DNAH1: variants seen among roughly 807,000 people sequenced by gnomAD.
DNAH1 encodes the protein dynein axonemal heavy chain 1, also known as axonemal beta dynein heavy chain 1.
DNAH1 carries 327 observed loss-of-function variants against 484.3 expected under a neutral mutation model. That is an observed-to-expected ratio of 0.68 (90% CI 0.62 to 0.74). DNAH1 has a LOEUF of 0.74. Ranked by LOEUF, DNAH1 falls within the 30% of genes least tolerant of loss-of-function variation. DNAH1 has a pLI of 0.00. For synonymous variants in DNAH1, 2,192 were observed against 2,191.9 expected, an observed-to-expected ratio of 1.00 and a Z score of 0.00; for missense variants, 5,052 against 5,546.8, an observed-to-expected ratio of 0.91 and a Z score of 2.83.
At chr3:52,317,492 A>G (rs1207489590) in intron 1 of DNAH1, among the ~76,000 whole-genome samples, 3 of 152,236 alleles carry the variant, frequency 2.0e-5, no homozygotes, top group Non-Finnish European at 4.4e-5. Flanking sequence ...CTTAAATGCC[A>G]ACTTCCAGTT....
In DNAH1 at chr3:52,358,878, C is replaced by A; in HGVS notation, c.4266+141C>A. On this transcript the variant is annotated intron_variant, in intron 25 of 77. Transcript: ENST00000420323. This position sits in a 1 kb window ranked among gnomAD's most constrained non-coding sequence, Gnocchi z 4.2. Reference sequence around the variant, plus strand: ...GCTCAGGCGGGATTCTGGAGTCTTTCCTTTCCACACACACTCCAGAAAGTG... The same window carrying A: ...GCTCAGGCGGGATTCTGGAGTCTTTACTTTCCACACACACTCCAGAAAGTG... The A allele has an allele frequency of 1.0e-6, 1 of 968,522 alleles. No homozygotes were observed. The highest frequency in any genetic ancestry group is 1.5e-6 in the Non-Finnish European group (1 of 659,538). The allele number at this position is 968,522 out of a possible 1,614,324, so 60.0% of individuals were successfully genotyped here.
Position 52,372,832 on chromosome 3 carries a change from G to A in DNAH1, c.6828-64G>A, listed in dbSNP as rs1015199131. The stretch of plus-strand genomic sequence containing the variant: ...CCAGAGGCAAAGCTGCCACCCGTTC[G>A]CCCCTGGATTCTCAGAGGACCTGGT... On this transcript the variant is annotated intron_variant, in intron 43 of 77. Coordinates refer to ENST00000420323, the MANE Select transcript of DNAH1 (RefSeq NM_015512.5). 2.5e-5 allele frequency: 39 copies of A among 1,544,878 alleles called. No homozygotes were observed. The Middle Eastern group carries it at 1.0e-3, about 41-fold the overall frequency.
chr3:52,324,972 G>A (rs533329977), intron 3 of DNAH1, among the ~76,000 whole-genome samples: 22 of 152,266 alleles, frequency 1.4e-4, no homozygotes, highest in African/African-American at 5.1e-4. Context: ...AGGGTCTGGA[G>A]GCCAGGCATG....
In DNAH1 at chr3:52,334,716, C is replaced by G. The variant is rs577680439; in HGVS notation, c.1286+2322C>G. Among the ~76,000 whole-genome samples, 5 of 152,272 alleles carry G rather than the reference C, an allele frequency of 3.3e-5. No individual in the cohort carries two copies. The East Asian group carries it at 9.7e-4, about 29-fold the overall frequency. ...GCTGAGGCCCTAGAATCGCCTGAAC[C>G]TGGGAGGCAGAGGTTGCAGTGAGCT... is the stretch of plus-strand genomic sequence containing the variant. On this transcript the variant is annotated intron_variant, in intron 8 of 77. Transcript: ENST00000420323.
At chr3:52,349,504 T>A in intron 14 of DNAH1, 84 bp downstream of exon 14, 1 of 1,326,376 alleles carries the variant, frequency 7.5e-7, no homozygotes, top group Non-Finnish European at 1.1e-6. Flanking sequence ...CATGGCAAGA[T>A]GTCCCCAAGC....
In DNAH1 at chr3:52,348,916, G is replaced by A; in HGVS notation, c.2135G>A (p.Gly712Asp). The change falls in exon 13 of 78, where the codon GGT becomes GAT. Residue 712 changes from glycine to aspartate, a missense_variant. By Grantham distance (94) the Gly-to-Asp change is moderately conservative. Coordinates refer to ENST00000420323, the MANE Select transcript of DNAH1 (RefSeq NM_015512.5). Reference protein sequence around the residue: ...KLVMEDIFISGDPLLESVGLH... With the variant: ...KLVMEDIFISDDPLLESVGLH... ...GTGATGGAGGACATCTTCATCAGCG[G>A]TGACCCCCTGCTGGAGTCCGTGGGC... is the stretch of plus-strand genomic sequence containing the variant. 6.2e-7 allele frequency: 1 copy of A among 1,613,226 alleles called. No individual in the cohort carries two copies. The highest frequency in any genetic ancestry group is 8.5e-7 in the Non-Finnish European group (1 of 1,179,880).
intron 8 of DNAH1, among the ~76,000 whole-genome samples, chr3:52,342,684 C>T (rs1377544790): frequency 2.6e-5 from 4 of 152,096 alleles, no homozygotes; most frequent in African/African-American, 4.8e-5. Flanking sequence ...GGGACCCCTC[C>T]GTAGGGCTTT....
At chr3:52,363,356 C>T (rs1702942900) in intron 32 of DNAH1, among the ~76,000 whole-genome samples, 1 of 152,264 alleles carries the variant, frequency 6.6e-6, no homozygotes, top group African/African-American at 2.4e-5. Context: ...TGGCCAGGCT[C>T]ATGCAGTACA....
chr3:52,395,186 T>C lies in DNAH1; in HGVS notation c.10969-122T>C, dbSNP rs1704564754. 1.3e-6 allele frequency: 2 copies of C among 1,493,218 alleles called. No individual in the cohort carries two copies. Among genetic ancestry groups the C allele is most frequent in the African/African-American group, 1.4e-5 (1 of 71,844 alleles). The allele number at this position is 1,493,218 out of a possible 1,614,324, so 92.5% of individuals were successfully genotyped here. ...ACCCCTGCTTGCTCCCTAAAGGCTC[T>C]GAGGTTCCAGCCCCCACCAGGAAGC... On this transcript the variant is annotated intron_variant, in intron 68 of 77. Coordinates refer to ENST00000420323, the MANE Select transcript of DNAH1 (RefSeq NM_015512.5). This position sits in a 1 kb window ranked among gnomAD's most constrained non-coding sequence, Gnocchi z 4.4.
intron 39 of DNAH1, 89 bp from the exon 40 acceptor site, chr3:52,370,381 CTGTGTAG>C: frequency 6.4e-7 from 1 of 1,572,336 alleles, no homozygotes; most frequent in South Asian, 1.1e-5. Context: ...AGAAACAAAG[CTGTGTAG>C]CAGAGGTCAA....
In DNAH1 at chr3:52,353,616, G is replaced by C; in HGVS notation, c.3463G>C (p.Glu1155Gln). Residue 1155 changes from glutamate (E) to glutamine (Q), a missense_variant, in exon 20 of 78, where the codon GAG (glutamate) becomes CAG (glutamine). Physicochemically the swap from Glu to Gln is conservative, Grantham distance 29. Transcript: ENST00000420323. The surrounding 1 kb of genome is among the most constrained non-coding windows in gnomAD (Gnocchi z 5.0). ...ISKVAEVAGK[E>Q]YAIEQALDKM... is the part of the protein sequence containing the mutation. ...CAAGGTGGCTGAGGTGGCTGGCAAGGAGTACGCCATCGAGCAGGTGGGTAG... is the reference window on the plus strand; with the variant it reads ...CAAGGTGGCTGAGGTGGCTGGCAAGCAGTACGCCATCGAGCAGGTGGGTAG... 6.3e-7 allele frequency: 1 copy of C among 1,599,590 alleles called. No individual in the cohort carries two copies.
chr3:52,357,809 G>A lies in DNAH1; in HGVS notation c.3980+74G>A, dbSNP rs1435311390. 5.7e-6 allele frequency: 9 copies of A among 1,575,586 alleles called. No homozygotes were observed. In the East Asian group the frequency reaches 2.1e-4, roughly 37 times the overall value. On this transcript the variant is annotated intron_variant, in intron 23 of 77. Transcript: ENST00000420323. ...CTGAGGTGTCCAGGGCCCTGCTCAG[G>A]CTAGGGTGCGGGGATGTCAGCAGGA...
chr3:52,390,127 G>GA (rs549759115), intron 60 of DNAH1, among the ~76,000 whole-genome samples: 6 of 150,666 alleles, frequency 4.0e-5, no homozygotes, highest in East Asian at 3.9e-4. Flanking sequence ...TCTCAAAAGA[G>GA]AAAAAAAAAG....
Position 52,322,652 on chromosome 3 carries a change from A to G in DNAH1, c.210A>G (p.Thr70=). Residue 70 remains threonine, a synonymous_variant, in exon 2 of 78, where the codon ACA becomes ACG. Transcript: ENST00000420323. The stretch of plus-strand genomic sequence containing the variant: ...TACCCCTGCCCCCGGCCCCACCCAC[A>G]CTCTCAGACTTGGGGCAGCCACGGA... ...PHLPLPPAPP[T]LSDLGQPRKS... The G allele has an allele frequency of 1.9e-6, 3 of 1,613,178 alleles. No individual in the cohort carries two copies. The highest frequency in any genetic ancestry group is 1.1e-5 in the South Asian group (1 of 91,030).
Position 52,383,454 on chromosome 3 carries a change from T to A in DNAH1, c.8010T>A (p.Tyr2670Ter). 6.2e-7 allele frequency: 1 copy of A among 1,614,016 alleles called. No homozygotes were observed. Among genetic ancestry groups the A allele is most frequent in the Non-Finnish European group, 8.5e-7 (1 of 1,179,878 alleles). Residue 2670 changes from tyrosine to a stop codon, truncating the protein, a stop_gained, in exon 51 of 78, where the codon TAT becomes TAA. Transcript: ENST00000420323. LOFTEE classifies it high-confidence loss of function. ...VLNSGDIPNL[Y>*]TADEQDQIVS... ...ACTCTGGTGACATTCCCAATCTGTATACTGCGGACGAGCAGGACCAGATCG... is the reference window on the plus strand; with the variant it reads ...ACTCTGGTGACATTCCCAATCTGTAAACTGCGGACGAGCAGGACCAGATCG...
rs913682767 is a variant in DNAH1, at chr3:52,389,444, G to C, written c.9496-17G>C. The C allele has an allele frequency of 5.6e-6, 9 of 1,611,418 alleles. No homozygotes were observed. The highest frequency in any genetic ancestry group is 4.0e-5 in the African/African-American group (3 of 74,898). On this transcript the variant is annotated splice_polypyrimidine_tract_variant and intron_variant, in intron 59 of 77. Coordinates refer to ENST00000420323, the MANE Select transcript of DNAH1 (RefSeq NM_015512.5). ...GAGTGTCATGGTGGGGTGGTCCTGA[G>C]TCTGGCATCTCCCCAGGGCCAGTAC...
chr3:52,393,264 G>C (rs1704476325), intron 65 of DNAH1, 70 bp from the exon 66 acceptor site: 2 of 1,596,780 alleles, frequency 1.3e-6, no homozygotes, highest in Non-Finnish European at 1.7e-6. Context: ...GACTGGCTAG[G>C]CTGGGCTGGA....
chr3:52,315,962 A>G (rs545029973), upstream of DNAH1, among the ~76,000 whole-genome samples: 1 of 152,196 alleles, frequency 6.6e-6, no homozygotes, highest in Non-Finnish European at 1.5e-5. Flanking sequence ...GGCTGCTGGT[A>G]AAAGCAGCAC....
upstream of DNAH1, among the ~76,000 whole-genome samples, chr3:52,315,972 C>T (rs924628131): frequency 6.6e-6 from 1 of 152,186 alleles, no homozygotes; most frequent in African/African-American, 2.4e-5. Context: ...AAAAGCAGCA[C>T]CCCCGACCCC....
Sources: allele counts gnomAD v4.1 joint callset (sites outside exome capture counted in the v4.1 genomes callset), GRCh38; gene constraint gnomAD v4.1.1; non-coding constraint Gnocchi (gnomAD v3.1); transcripts MANE v1.5; gene names NCBI Gene and HGNC (gene_info 2026-07-23, HGNC 2026-07-21).